MARCHF1: variants seen among roughly 807,000 people sequenced by gnomAD.
MARCHF1 encodes the protein E3 ubiquitin-protein ligase MARCHF1.
MARCHF1 carries 40 observed loss-of-function variants against 54.2 expected under a neutral mutation model. The observed-to-expected ratio is 0.74, with a 90% CI of 0.57 to 0.96. MARCHF1 has a LOEUF of 0.96. Among genes scored for constraint, MARCHF1 ranks in the 40% least tolerant of loss-of-function variants. The pLI is 0.00. For synonymous variants in MARCHF1, 236 were observed against 236.3 expected, an observed-to-expected ratio of 1.00 and a Z score of 0.01; for missense variants, 586 against 656.5, an observed-to-expected ratio of 0.89 and a Z score of 1.17.
At chr4:163,650,956 C>T (rs7655593) in intron 5 of MARCHF1, among the ~76,000 whole-genome samples, 41,456 of 151,664 alleles carry the variant, frequency 0.27, 5,871 homozygotes, top group East Asian at 0.44. Flanking sequence ...GTGAATATGC[C>T]TATAGTCCTA....
intron 1 of MARCHF1, among the ~76,000 whole-genome samples, chr4:164,278,794 G>A (rs892336812): frequency 4.6e-5 from 7 of 152,118 alleles, no homozygotes; most frequent in East Asian, 1.9e-4. Context: ...GGTTAAAACC[G>A]TTTTTGGTTT....
intron 2 of MARCHF1, among the ~76,000 whole-genome samples, chr4:164,090,419 T>C (rs184955410): frequency 6.6e-6 from 1 of 152,220 alleles, no homozygotes; most frequent in Non-Finnish European, 1.5e-5. Flanking sequence ...ATTGTATTTG[T>C]GATGATTAAA....
At chr4:164,319,647 T>C (rs777551423) in intron 1 of MARCHF1, among the ~76,000 whole-genome samples, 89 of 152,178 alleles carry the variant, frequency 5.8e-4, no homozygotes, top group Non-Finnish European at 1.2e-3. Context: ...TTTGAAAGAA[T>C]TACTTTTCCT....
intron 4 of MARCHF1, among the ~76,000 whole-genome samples, chr4:163,831,009 C>T (rs1477150475): frequency 6.6e-6 from 1 of 152,152 alleles, no homozygotes; most frequent in Non-Finnish European, 1.5e-5. Flanking sequence ...TTCCAAGCAT[C>T]GTCCTAGTAA....
At chr4:163,576,488 G>A (rs1740041248) in intron 8 of MARCHF1, among the ~76,000 whole-genome samples, 1 of 152,020 alleles carries the variant, frequency 6.6e-6, no homozygotes, top group Non-Finnish European at 1.5e-5. Flanking sequence ...AGTATGTTCT[G>A]TGTGTATATG....
intron 1 of MARCHF1, among the ~76,000 whole-genome samples, chr4:164,129,000 A>G (rs752694909): frequency 1.3e-5 from 2 of 152,132 alleles, no homozygotes; most frequent in African/African-American, 2.4e-5. Context: ...TACCACCCAT[A>G]CAAGTGCCTA....
At chr4:163,928,099 G>T (rs1197249524) in intron 3 of MARCHF1, among the ~76,000 whole-genome samples, 1 of 151,814 alleles carries the variant, frequency 6.6e-6, no homozygotes, top group African/African-American at 2.4e-5. Context: ...AAGCTCTTGA[G>T]AAATTCTCTA....
chr4:164,081,541 G>C (rs1017111788), intron 2 of MARCHF1, among the ~76,000 whole-genome samples: 1 of 152,116 alleles, frequency 6.6e-6, no homozygotes, highest in Non-Finnish European at 1.5e-5. Flanking sequence ...GGAACTCCTG[G>C]GGAGAGAGGA....
At chr4:164,000,340 C>G (rs1192949312) in intron 2 of MARCHF1, among the ~76,000 whole-genome samples, 1 of 151,650 alleles carries the variant, frequency 6.6e-6, no homozygotes, top group Non-Finnish European at 1.5e-5. Context: ...AAGTGTTCAG[C>G]AAGACATTAT....
intron 3 of MARCHF1, among the ~76,000 whole-genome samples, chr4:163,885,830 G>C (rs1372029693): frequency 6.6e-6 from 1 of 151,494 alleles, no homozygotes. Context: ...CCAGCACTTT[G>C]GGAGGCCAAG....
chr4:164,165,635 G>A (rs1730359783), intron 1 of MARCHF1, among the ~76,000 whole-genome samples: 1 of 151,960 alleles, frequency 6.6e-6, no homozygotes, highest in Non-Finnish European at 1.5e-5. Flanking sequence ...GGTGCCTGGT[G>A]AAGGTAGATT....
chr4:164,046,225 G>T (rs1754240368), intron 2 of MARCHF1, among the ~76,000 whole-genome samples: 1 of 152,162 alleles, frequency 6.6e-6, no homozygotes. Flanking sequence ...TTTACCTACT[G>T]GACTGTCAAC....
In MARCHF1 at chr4:163,886,518, A is replaced by G. The variant is rs563710156; in HGVS notation, c.-38-32349T>C. Reference sequence around the variant, plus strand: ...ACTGGTGCAGCATTAACAACAAAAAACAGTTACTAAAATCCTAGGATTAGA... The same window carrying G: ...ACTGGTGCAGCATTAACAACAAAAAGCAGTTACTAAAATCCTAGGATTAGA... On this transcript the variant is annotated intron_variant, in intron 3 of 9. Transcript: ENST00000514618. 2.9e-3 allele frequency among the ~76,000 whole-genome samples: 434 copies of G among 152,236 alleles called. 6 individuals carry two copies. The highest frequency in any genetic ancestry group is 0.014 in the Middle Eastern group (4 of 294).
intron 1 of MARCHF1, among the ~76,000 whole-genome samples, chr4:164,168,227 A>G (rs1453195469): frequency 6.7e-6 from 1 of 148,858 alleles, no homozygotes; most frequent in Non-Finnish European, 1.5e-5. Flanking sequence ...ATGAGATATC[A>G]CCTCACACCT....
At chr4:164,351,101 C>G (rs925452859) in intron 1 of MARCHF1, among the ~76,000 whole-genome samples, 10 of 152,230 alleles carry the variant, frequency 6.6e-5, no homozygotes, top group South Asian at 2.1e-4. Flanking sequence ...TCACCTGGCT[C>G]GGAGGGTCCT....
At chr4:163,703,423 T>C (rs1352572348) in intron 4 of MARCHF1, among the ~76,000 whole-genome samples, 1 of 152,162 alleles carries the variant, frequency 6.6e-6, no homozygotes, top group Non-Finnish European at 1.5e-5. Flanking sequence ...ATCTGTCCAA[T>C]TTGCTACTAA....
At chr4:163,649,932 G>A (rs538815979) in intron 5 of MARCHF1, among the ~76,000 whole-genome samples, 7 of 152,070 alleles carry the variant, frequency 4.6e-5, no homozygotes, top group African/African-American at 1.4e-4. Flanking sequence ...TTACATTTAT[G>A]AGAAGGTGAT....
intron 1 of MARCHF1, among the ~76,000 whole-genome samples, chr4:164,361,854 CAT>C (rs1457147678): frequency 4.6e-5 from 7 of 151,966 alleles, no homozygotes; most frequent in African/African-American, 1.4e-4. Context: ...CCATAGAGCA[CAT>C]GATTTAATTT....
At chr4:163,876,798 G>T (rs1488799767) in intron 3 of MARCHF1, among the ~76,000 whole-genome samples, 1 of 152,238 alleles carries the variant, frequency 6.6e-6, no homozygotes, top group South Asian at 2.1e-4. Context: ...TCTTGCATGT[G>T]CGTGTAGAAT....
Sources: gnomAD v4.1 joint callset for allele counts (sites outside exome capture counted in the v4.1 genomes callset) on GRCh38, gnomAD v4.1.1 for gene constraint, MANE v1.5 for transcripts, NCBI Gene and HGNC (gene_info 2026-07-23, HGNC 2026-07-21) for gene names.